SKA3: variants seen among roughly 807,000 people sequenced by gnomAD.
The protein encoded by SKA3 is spindle and kinetochore-associated protein 3.
SKA3 carries 39 observed loss-of-function variants against 44.2 expected under a neutral mutation model. That is an observed-to-expected ratio of 0.88 (90% CI 0.68 to 1.15). The LOEUF is 1.15. Among genes scored for constraint, SKA3 ranks in the 50% most tolerant of loss-of-function variants. The pLI is 0.00. For missense variants in SKA3, 511 were observed against 485.8 expected (o/e 1.05, Z -0.49); for synonymous variants, 192 against 172.0 (o/e 1.12, Z -0.91).
In SKA3 at chr13:21,172,399, T is replaced by G. The variant is rs775280186; in HGVS notation, c.271A>C (p.Met91Leu). 2 of 1,588,982 alleles carry G rather than the reference T, an allele frequency of 1.3e-6. No homozygotes were observed. The highest frequency in any genetic ancestry group is 1.7e-6 in the Non-Finnish European group (2 of 1,171,990). Residue 91 changes from methionine (M) to leucine (L), a missense_variant, in exon 3 of 9, where the codon ATG becomes CTG. Met to Leu is a conservative substitution (Grantham distance 15). Coordinates refer to ENST00000314759, the MANE Select transcript of SKA3 (RefSeq NM_145061.6). ...VLMEKNSMDI[M>L]KIREYFQKYG... ...TTCTGGAAATACTCTCTTATTTTCA[T>G]AATATCCATTGAATTTTTTTCCATT... is the stretch of plus-strand genomic sequence containing the variant.
Position 21,168,296 on chromosome 13 carries a change from G to T in SKA3, c.435C>A (p.Ser145Arg), listed in dbSNP as rs779241816. ...KDDLSDPPVA[S>R]SCISEKSPRS... is the part of the protein sequence containing the mutation. ...GTGGAGACTTCTCAGAAATACAACT[G>T]CTTGCAACAGGAGGATCAGACAGAT... The change falls in exon 4 of 9, where the codon AGC becomes AGA. Residue 145 changes from serine (S) to arginine (R), a missense_variant. By Grantham distance (110) the Ser-to-Arg change is moderately radical. Coordinates refer to ENST00000314759, the MANE Select transcript of SKA3 (RefSeq NM_145061.6). 6.2e-7 allele frequency: 1 copy of T among 1,614,142 alleles called. No individual in the cohort carries two copies. Among genetic ancestry groups the T allele is most frequent in the Non-Finnish European group, 8.5e-7 (1 of 1,180,022 alleles).
At position 21,176,527 on chromosome 13, in the gene SKA3, A is replaced by C; in HGVS notation, c.-50T>G. 9.8e-7 allele frequency: 1 copy of C among 1,023,238 alleles called. No individual in the cohort carries two copies. The highest frequency in any genetic ancestry group is 1.3e-6 in the Non-Finnish European group (1 of 780,280). 63.4% of individuals were successfully genotyped at this position (1,023,238 alleles called of 1,614,324 possible). ...CAGGCGTACGCAGACCCCACCGCTC[A>C]GCTCACAGCCTCCCGCCACTAGTTT... is the stretch of plus-strand genomic sequence containing the variant. On this transcript the variant is annotated 5_prime_UTR_variant, in exon 1 of 9. Coordinates refer to ENST00000314759, the MANE Select transcript of SKA3 (RefSeq NM_145061.6).
At chr13:21,174,377 G>A (rs1473247492) in intron 1 of SKA3, among the ~76,000 whole-genome samples, 2 of 150,868 alleles carry the variant, frequency 1.3e-5, no homozygotes, top group Non-Finnish European at 2.9e-5. Context: ...AAGAAAATGT[G>A]ACACATATAC....
intron 4 of SKA3, among the ~76,000 whole-genome samples, chr13:21,167,032 T>C (rs1207704279): frequency 6.6e-6 from 1 of 152,236 alleles, no homozygotes; most frequent in African/African-American, 2.4e-5. Flanking sequence ...CTCTTACGGT[T>C]TTAATCACCA....
intron 3 of SKA3, among the ~76,000 whole-genome samples, chr13:21,169,483 G>A (rs915608494): frequency 4.6e-5 from 7 of 151,968 alleles, no homozygotes; most frequent in African/African-American, 1.7e-4. Flanking sequence ...TTACCCATGT[G>A]AGCCACCATG....
In SKA3 at chr13:21,155,021, T is replaced by C. The variant is rs1870025252; in HGVS notation, c.*129A>G. The C allele has an allele frequency of 1.4e-6, 2 of 1,438,000 alleles. No individual in the cohort carries two copies. Among genetic ancestry groups the C allele is most frequent in the East Asian group, 2.4e-5 (1 of 42,116 alleles). 89.1% of individuals were successfully genotyped at this position (1,438,000 alleles called of 1,614,324 possible). A position where few individuals can be genotyped will look rare whatever the true frequency, so the allele number is the denominator to read the frequency against. On this transcript the variant is annotated 3_prime_UTR_variant, in exon 9 of 9. Coordinates refer to ENST00000314759, the MANE Select transcript of SKA3 (RefSeq NM_145061.6). ...AAGCATATTATGATGTTAATGTTCA[T>C]GTTTGTCTTTAAAATGGGTCAACGT...
intron 7 of SKA3, among the ~76,000 whole-genome samples, chr13:21,157,691 G>GA (rs1870190501): frequency 6.6e-6 from 1 of 152,092 alleles, no homozygotes; most frequent in Admixed American, 6.6e-5. Flanking sequence ...TGACTTTTCT[G>GA]ACTTTGCCAG....
At chr13:21,155,272 A>T (rs1314951642) in intron 8 of SKA3, 122 bp from the exon 9 acceptor site, 2 of 761,360 alleles carry the variant, frequency 2.6e-6, no homozygotes, top group Non-Finnish European at 4.2e-6. Context: ...ATTCCCACTG[A>T]TATCATTAAA....
intron 4 of SKA3, among the ~76,000 whole-genome samples, chr13:21,164,859 A>G (rs1029847931): frequency 6.6e-5 from 10 of 152,100 alleles, no homozygotes; most frequent in Non-Finnish European, 1.5e-4. Context: ...GAACTAAGGC[A>G]TGAATCACCA....
chr13:21,159,960 A>C lies in SKA3; in HGVS notation c.857T>G (p.Val286Gly). ...CAAACCAGGAGTACAGAATGTAGGT[A>C]CCAAAGGAGAGTTGGTATATTCGGC... The part of the protein sequence containing the change: ...SDAEYTNSPL[V>G]PTFCTPGLKI... The change falls in exon 6 of 9, where the codon GTA (valine) becomes GGA (glycine). Residue 286 changes from valine to glycine, a missense_variant. Transcript: ENST00000314759. 1.2e-6 allele frequency: 2 copies of C among 1,607,990 alleles called. No individual in the cohort carries two copies. Among genetic ancestry groups the C allele is most frequent in the Non-Finnish European group, 1.7e-6 (2 of 1,177,694 alleles).
Position 21,176,451 on chromosome 13 carries a change from C to G in SKA3, c.27G>C (p.Gly9=). ...GCGTGCTGGCCAGAGACCGCAGCTT[C>G]CCGCAGAAGCTCCGGATAGGGTCCA... is the stretch of plus-strand genomic sequence containing the variant. MDPIRSFC[G]KLRSLASTLD... Residue 9 remains glycine, a synonymous_variant, in exon 1 of 9, where the codon GGG becomes GGC. Coordinates refer to ENST00000314759, the MANE Select transcript of SKA3 (RefSeq NM_145061.6). 1 of 1,577,530 alleles carries G rather than the reference C, an allele frequency of 6.3e-7. No homozygotes were observed. The highest frequency in any genetic ancestry group is 8.6e-7 in the Non-Finnish European group (1 of 1,162,690).
At chr13:21,161,523 A>C (rs575781640) in intron 5 of SKA3, among the ~76,000 whole-genome samples, 2 of 152,330 alleles carry the variant, frequency 1.3e-5, no homozygotes, top group East Asian at 3.9e-4. Flanking sequence ...CTACATCAAA[A>C]TATTGGTGAA....
In SKA3 at chr13:21,161,756, T is replaced by C. The variant is rs780989756; in HGVS notation, c.829+34A>G. ...TTGTTCAAAGATAGTTTGGGAAAAA[T>C]GTTCCTGAGAAGTAACTTGATTCTT... On this transcript the variant is annotated intron_variant, in intron 5 of 8. Transcript: ENST00000314759. 5 of 1,121,918 alleles carry C rather than the reference T, an allele frequency of 4.5e-6. No individual in the cohort carries two copies. In the Admixed American group the frequency reaches 1.0e-4, roughly 23 times the overall value. The allele number at this position is 1,121,918 out of a possible 1,614,324, so 69.5% of individuals were successfully genotyped here.
chr13:21,163,700 G>C (rs527466934), intron 4 of SKA3, among the ~76,000 whole-genome samples: 2 of 152,092 alleles, frequency 1.3e-5, no homozygotes, highest in African/African-American at 4.8e-5. Context: ...TTTTTTATTT[G>C]AATTTCCTTC....
chr13:21,155,200 T>C, intron 8 of SKA3, 50 bp from the exon 9 acceptor site: 1 of 1,345,100 alleles, frequency 7.4e-7, no homozygotes, highest in Non-Finnish European at 9.9e-7. Context: ...TTAAAAGCCA[T>C]TAAGACAAAT....
chr13:21,168,255 GA>G lies in SKA3; in HGVS notation c.475del (p.Ser159GlnfsTer21), dbSNP rs1870838900. The G allele has an allele frequency of 3.1e-6, 5 of 1,614,086 alleles. No individual in the cohort carries two copies. The Admixed American group carries it at 8.3e-5, about 27-fold the overall frequency. ...SEKSPRSPQL[S>X]DFGLERYIVS... ...GATGTACCGCTCAAGTCCAAAATCT[GA>G]AAGTTGTGGACTACGTGGAGACTTC... On this transcript the variant is annotated frameshift_variant, in exon 4 of 9. Transcript: ENST00000314759. LOFTEE classifies it high-confidence loss of function.
At chr13:21,174,678 T>C (rs547109313) in intron 1 of SKA3, among the ~76,000 whole-genome samples, 11 of 152,014 alleles carry the variant, frequency 7.2e-5, no homozygotes, top group Non-Finnish European at 1.3e-4. Context: ...CATGTATACA[T>C]ATGTAAGAAA....
intron 1 of SKA3, among the ~76,000 whole-genome samples, chr13:21,175,317 G>A (rs1871411761): frequency 6.7e-6 from 1 of 148,892 alleles, no homozygotes; most frequent in South Asian, 2.1e-4. Context: ...TTGCTCTGTC[G>A]CCGAGGCTGG....
Position 21,154,404 on chromosome 13 carries a change from C to G in SKA3, c.*746G>C, listed in dbSNP as rs959491469. 3.3e-5 allele frequency: 5 copies of G among 152,776 alleles called. No individual in the cohort carries two copies. The highest frequency in any genetic ancestry group is 1.2e-4 in the African/African-American group (5 of 41,454). 9.5% of individuals were successfully genotyped at this position (152,776 alleles called of 1,614,324 possible). A position where few individuals can be genotyped will look rare whatever the true frequency, so the allele number is the denominator to read the frequency against. ...CTGGCCCAGGATGAGCCCTCAGAACCTTTTAGAGAGAGTGAAATTCAGGGT... is the reference window on the plus strand; with the variant it reads ...CTGGCCCAGGATGAGCCCTCAGAACGTTTTAGAGAGAGTGAAATTCAGGGT... On this transcript the variant is annotated 3_prime_UTR_variant, in exon 9 of 9. Transcript: ENST00000314759.
Sources: gnomAD v4.1 joint callset for allele counts (sites outside exome capture counted in the v4.1 genomes callset) on GRCh38, gnomAD v4.1.1 for gene constraint, MANE v1.5 for transcripts, NCBI Gene and HGNC (gene_info 2026-07-23, HGNC 2026-07-21) for gene names.